LRRTM4: variants seen among roughly 807,000 people sequenced by gnomAD.
The protein encoded by LRRTM4 is leucine-rich repeat transmembrane neuronal protein 4.
LRRTM4 carries 25 observed loss-of-function variants against 47.6 expected under a neutral mutation model. The observed-to-expected ratio is 0.53, with a 90% CI of 0.38 to 0.73. The LOEUF is 0.73. Among genes scored for constraint, LRRTM4 ranks in the 30% least tolerant of loss-of-function variants. LRRTM4 has a pLI of 0.00. For synonymous variants in LRRTM4, 311 were observed against 269.5 expected (o/e 1.15, Z -1.51); for missense variants, 638 against 713.4 (o/e 0.89, Z 1.20).
intron 3 of LRRTM4, among the ~76,000 whole-genome samples, chr2:76,850,015 A>G (rs1039209848): frequency 1.4e-4 from 22 of 151,986 alleles, no homozygotes; most frequent in South Asian, 2.1e-4. Context: ...CCTCATGTGT[A>G]TAAGTGGCTT....
chr2:76,880,956 G>C (rs532567920), intron 3 of LRRTM4, among the ~76,000 whole-genome samples: 1 of 152,240 alleles, frequency 6.6e-6, no homozygotes, highest in African/African-American at 2.4e-5. Flanking sequence ...TACAGGGAGT[G>C]GGGGATAGGG....
intron 3 of LRRTM4, among the ~76,000 whole-genome samples, chr2:76,859,133 T>C (rs1489491882): frequency 6.6e-6 from 1 of 152,154 alleles, no homozygotes; most frequent in African/African-American, 2.4e-5. Context: ...TTCATAAAAA[T>C]ACCATAAAGT....
At chr2:76,814,806 T>TACACACACAC (rs111468624) in intron 3 of LRRTM4, among the ~76,000 whole-genome samples, 1 of 52,660 alleles carries the variant, frequency 1.9e-5, no homozygotes, top group South Asian at 8.5e-4. Context: ...CACACACACA[T>TACACACACAC]ACACACACAC....
intron 3 of LRRTM4, among the ~76,000 whole-genome samples, chr2:77,060,611 T>C (rs891682051): frequency 4.6e-5 from 7 of 152,102 alleles, no homozygotes; most frequent in African/African-American, 1.4e-4. Flanking sequence ...TGATAAAATA[T>C]AGTGTGCAAT....
intron 3 of LRRTM4, among the ~76,000 whole-genome samples, chr2:77,377,934 A>T (rs1460328698): frequency 1.3e-5 from 2 of 152,016 alleles, no homozygotes. Flanking sequence ...ATCTTTTAAA[A>T]ACCAATTTAA....
chr2:76,901,571 T>C (rs1452638279), intron 3 of LRRTM4, among the ~76,000 whole-genome samples: 2 of 152,138 alleles, frequency 1.3e-5, no homozygotes, highest in African/African-American at 4.8e-5. Flanking sequence ...TTAGTACTTT[T>C]AAGGTATCTC....
chr2:77,347,240 C>A (rs1573290250), intron 3 of LRRTM4, among the ~76,000 whole-genome samples: 1 of 152,192 alleles, frequency 6.6e-6, no homozygotes, highest in Non-Finnish European at 1.5e-5. Flanking sequence ...GCTGTGATAG[C>A]TTCACACTGG....
chr2:77,273,240 T>C (rs879837536), intron 3 of LRRTM4, among the ~76,000 whole-genome samples: 1 of 152,174 alleles, frequency 6.6e-6, no homozygotes, highest in East Asian at 1.9e-4. Context: ...AAATAGATAA[T>C]GCTATTAATG....
At chr2:77,251,796 C>A (rs928228633) in intron 3 of LRRTM4, among the ~76,000 whole-genome samples, 6 of 152,094 alleles carry the variant, frequency 3.9e-5, no homozygotes, top group African/African-American at 1.4e-4. Context: ...CTAGTCTTCA[C>A]ATACATGGTA....
At chr2:77,412,531 C>T (rs1674484107) in intron 3 of LRRTM4, among the ~76,000 whole-genome samples, 1 of 152,134 alleles carries the variant, frequency 6.6e-6, no homozygotes, top group Non-Finnish European at 1.5e-5. Flanking sequence ...GTGAATTACT[C>T]CTTGTAAAAA....
At chr2:77,503,541 G>T (rs1678652553) in intron 3 of LRRTM4, among the ~76,000 whole-genome samples, 1 of 151,654 alleles carries the variant, frequency 6.6e-6, no homozygotes, top group Non-Finnish European at 1.5e-5. Flanking sequence ...CAGAGCAGAG[G>T]TCAAGCAACA....
intron 3 of LRRTM4, among the ~76,000 whole-genome samples, chr2:77,478,131 T>G (rs944333222): frequency 1.3e-5 from 2 of 152,170 alleles, no homozygotes; most frequent in Non-Finnish European, 2.9e-5. Flanking sequence ...TGTTATTACT[T>G]GCTGCCTCTT....
chr2:77,035,583 T>C (rs1340135328), intron 3 of LRRTM4, among the ~76,000 whole-genome samples: 1 of 151,958 alleles, frequency 6.6e-6, no homozygotes, highest in Non-Finnish European at 1.5e-5. Context: ...ACAAAAATGA[T>C]GTAAGCTGTT....
At chr2:77,088,427 C>T (rs1465110771) in intron 3 of LRRTM4, among the ~76,000 whole-genome samples, 1 of 152,144 alleles carries the variant, frequency 6.6e-6, no homozygotes, top group Non-Finnish European at 1.5e-5. Flanking sequence ...AGTCCTTTTC[C>T]TGGCTCATCC....
chr2:77,469,056 C>T (rs62162633), intron 3 of LRRTM4, among the ~76,000 whole-genome samples: 10,225 of 152,158 alleles, frequency 0.067, 502 homozygotes, highest in Admixed American at 0.17. Flanking sequence ...TCAAGGAGTA[C>T]GGAAACTGTC....
intron 3 of LRRTM4, among the ~76,000 whole-genome samples, chr2:77,200,071 A>G (rs1673932727): frequency 6.6e-6 from 1 of 152,068 alleles, no homozygotes; most frequent in South Asian, 2.1e-4. Context: ...CATTTACTAT[A>G]AAAATAGAAT....
At chr2:76,951,435 A>C (rs1289135180) in intron 3 of LRRTM4, among the ~76,000 whole-genome samples, 1 of 152,030 alleles carries the variant, frequency 6.6e-6, no homozygotes, top group African/African-American at 2.4e-5. Flanking sequence ...TCTACTCTTC[A>C]TAATGACAAA....
chr2:76,913,323 A>T (rs1434348182), intron 3 of LRRTM4, among the ~76,000 whole-genome samples: 1 of 151,696 alleles, frequency 6.6e-6, no homozygotes, highest in Non-Finnish European at 1.5e-5. Context: ...TTTTTTCTAA[A>T]GTGAGTGATA....
Position 77,519,029 on chromosome 2 carries a change from T to C in LRRTM4, c.840A>G (p.Gln280=). 1 of 1,611,984 alleles carries C rather than the reference T, an allele frequency of 6.2e-7. No individual in the cohort carries two copies. The highest frequency in any genetic ancestry group is 8.5e-7 in the Non-Finnish European group (1 of 1,178,936). Residue 280 remains glutamine (Q), a synonymous_variant, in exon 3 of 4, where the codon CAA becomes CAG. Coordinates refer to ENST00000409884, the MANE Select transcript of LRRTM4 (RefSeq NM_001134745.3). This position sits in a 1 kb window ranked among gnomAD's most constrained non-coding sequence, Gnocchi z 4.6. ...PGTFKCLPNL[Q]KLNLDSNKLT... ...GCTTGTTGGAATCCAAATTCAATTT[T>C]TGTAAATTGGGGAGGCATTTAAATG...
Sources: allele counts gnomAD v4.1 joint callset (sites outside exome capture counted in the v4.1 genomes callset), GRCh38; gene constraint gnomAD v4.1.1; non-coding constraint Gnocchi (gnomAD v3.1); transcripts MANE v1.5; gene names NCBI Gene and HGNC (gene_info 2026-07-23, HGNC 2026-07-21).